Variants in RARS1 observed in about 807,000 individuals in gnomAD.
RARS1 encodes the protein arginyl-tRNA synthetase 1.
In RARS1, 75 loss-of-function variants were observed where a neutral mutation model predicts 78.7. The ratio of observed to expected loss-of-function variants is 0.95; its 90% CI spans 0.79 to 1.15. RARS1 has a LOEUF of 1.15. RARS1 is among the 50% of genes most tolerant of loss of function. The pLI, the probability that RARS1 is intolerant of heterozygous loss-of-function variation, is 0.00. For missense variants in RARS1, 787 were observed against 787.5 expected, an observed-to-expected ratio of 1.00 and a Z score of 0.01; for synonymous variants, 273 against 268.2, an observed-to-expected ratio of 1.02 and a Z score of -0.18.
intron 2 of RARS1, 82 bp downstream of exon 2, chr5:168,488,818 A>G (rs900274532): frequency 7.0e-7 from 1 of 1,426,898 alleles, no homozygotes; most frequent in Non-Finnish European, 9.4e-7. Context: ...AAGATTCTGG[A>G]AGTATATCCT....
chr5:168,501,808 T>C (rs1220617837), intron 8 of RARS1, among the ~76,000 whole-genome samples, 193 bp from the exon 9 acceptor site: 1 of 152,214 alleles, frequency 6.6e-6, no homozygotes, highest in Non-Finnish European at 1.5e-5. Context: ...TATTTTGATG[T>C]GTACCTTACC....
Position 168,494,796 on chromosome 5 carries a change from G to A in RARS1, c.579+146G>A, listed in dbSNP as rs78602242. The stretch of plus-strand genomic sequence containing the variant: ...TAGAAGTTCAAGGCTGAGGTGTGCT[G>A]TGATCGCACCTGTGAATAGCTACTG... On this transcript the variant is annotated intron_variant, in intron 5 of 14. Coordinates refer to ENST00000231572, the MANE Select transcript of RARS1 (RefSeq NM_002887.4). 0.17 allele frequency: 102,379 copies of A among 610,524 alleles called. 9,191 individuals carry two copies. Among genetic ancestry groups the A allele is most frequent in the Non-Finnish European group, 0.19 (67,427 of 352,360 alleles). 37.8% of individuals were successfully genotyped at this position (610,524 alleles called of 1,614,324 possible). A position where few individuals can be genotyped will look rare whatever the true frequency, so the allele number is the denominator to read the frequency against.
rs1758147099 is a variant in RARS1 at position 168,494,656 on chromosome 5, T to TAAAAA, written c.579+6_579+7insAAAAA. On this transcript the variant is annotated splice_region_variant and intron_variant, in intron 5 of 14. Coordinates refer to ENST00000231572, the MANE Select transcript of RARS1 (RefSeq NM_002887.4). ...CTCTGGGAGAGAATAAAAAGGTATATGTACACTCTTCTATTAATATATTAG... is the reference window on the plus strand; with the variant it reads ...CTCTGGGAGAGAATAAAAAGGTATATAAAAAGTACACTCTTCTATTAATATATTAG... The TAAAAA allele has an allele frequency of 1.3e-6, 2 of 1,517,920 alleles. No individual in the cohort carries two copies. The highest frequency in any genetic ancestry group is 1.8e-6 in the Non-Finnish European group (2 of 1,093,332). 94.0% of individuals were successfully genotyped at this position (1,517,920 alleles called of 1,614,324 possible). A position where few individuals can be genotyped will look rare whatever the true frequency, so the allele number is the denominator to read the frequency against.
At position 168,488,594 on chromosome 5, in the gene RARS1, T is replaced by C. The variant is rs201091317; in HGVS notation, c.46-8T>C. On this transcript the variant is annotated splice_region_variant and splice_polypyrimidine_tract_variant and intron_variant, in intron 1 of 14. Coordinates refer to ENST00000231572, the MANE Select transcript of RARS1 (RefSeq NM_002887.4). Reference sequence around the variant, plus strand: ...TATGGACTGAAAAAAGTGCTTTTTTTCCCACAGGAAGAAGAGATTAAATCT... The same window carrying C: ...TATGGACTGAAAAAAGTGCTTTTTTCCCCACAGGAAGAAGAGATTAAATCT... The C allele has an allele frequency of 1.6e-4, 260 of 1,593,878 alleles. 1 individual carries two copies. In the South Asian group the frequency reaches 2.4e-3, roughly 14 times the overall value.
chr5:168,493,052 T>C (rs1485394323), intron 3 of RARS1: 3 of 487,328 alleles, frequency 6.2e-6, no homozygotes, highest in East Asian at 3.0e-5. Context: ...AAATTTTATA[T>C]GTATTCTCAA....
intron 11 of RARS1, among the ~76,000 whole-genome samples, chr5:168,509,548 G>T (rs184503193): frequency 6.6e-6 from 1 of 150,938 alleles, no homozygotes; most frequent in African/African-American, 2.4e-5. Flanking sequence ...TTTTAACAGC[G>T]ACTGCCCAGG....
intron 14 of RARS1, 32 bp downstream of exon 14, chr5:168,518,094 T>TTTTTTTTTTC: frequency 7.2e-7 from 1 of 1,397,394 alleles, no homozygotes; most frequent in African/African-American, 1.6e-5. Flanking sequence ...TTTTTTTTTT[T>TTTTTTTTTTC]TAGTGAGAGA....
At chr5:168,518,445 A>G (rs918465325) in intron 14 of RARS1, among the ~76,000 whole-genome samples, 1 of 152,152 alleles carries the variant, frequency 6.6e-6, no homozygotes, top group Non-Finnish European at 1.5e-5. Flanking sequence ...ACTCTGCCCA[A>G]TCAGTCTACT....
chr5:168,511,241 T>A (rs2152905966), intron 12 of RARS1, among the ~76,000 whole-genome samples: 1 of 151,424 alleles, frequency 6.6e-6, no homozygotes, highest in East Asian at 1.9e-4. Flanking sequence ...GGAGAGGTCA[T>A]GCATACCTGA....
intron 6 of RARS1, 47 bp from the exon 7 acceptor site, chr5:168,497,181 A>G (rs754839823): frequency 1.5e-6 from 2 of 1,316,250 alleles, no homozygotes; most frequent in Middle Eastern, 2.1e-4. Context: ...TAACTTAACC[A>G]TCTTTATTAT....
chr5:168,511,195 A>AT (rs112853562), intron 12 of RARS1, among the ~76,000 whole-genome samples: 29,182 of 144,012 alleles, frequency 0.2, 3,059 homozygotes, highest in African/African-American at 0.28. Context: ...AACAAGAAAA[A>AT]TTTTTTTTTT....
At chr5:168,486,613 CT>C in intron 1 of RARS1, 70 bp downstream of exon 1, 2 of 1,514,694 alleles carry the variant, frequency 1.3e-6, no homozygotes. Flanking sequence ...GCCCAAGCGG[CT>C]TCGGGGGCGG....
chr5:168,491,075 T>G (rs1758072172), intron 2 of RARS1, among the ~76,000 whole-genome samples: 1 of 152,206 alleles, frequency 6.6e-6, no homozygotes, highest in South Asian at 2.1e-4. Context: ...AGGCAGAGGT[T>G]GCAGTGAGCC....
Position 168,494,006 on chromosome 5 carries a change from T to A in RARS1, c.478+4T>A. On this transcript the variant is annotated splice_donor_region_variant and intron_variant, in intron 4 of 14. Transcript: ENST00000231572. ...AAAGTTGAAATTGCTGGTCCTGGTA[T>A]GACATAATGTTATCCTTCTTAATAG... is the stretch of plus-strand genomic sequence containing the variant. 1.9e-6 allele frequency: 3 copies of A among 1,581,540 alleles called. No individual in the cohort carries two copies. Among genetic ancestry groups the A allele is most frequent in the Non-Finnish European group, 2.6e-6 (3 of 1,151,546 alleles).
chr5:168,513,532 C>T lies in RARS1; in HGVS notation c.1452+2846C>T, dbSNP rs189504007. ...ATGAGGTTTCACCATGTTGGCCAGG[C>T]GGGTCTCAAATCCCTGGACTCAGCA... is the stretch of plus-strand genomic sequence containing the variant. On this transcript the variant is annotated intron_variant, in intron 12 of 14. Coordinates refer to ENST00000231572, the MANE Select transcript of RARS1 (RefSeq NM_002887.4). Among the ~76,000 whole-genome samples, 116 of 152,182 alleles carry T rather than the reference C, an allele frequency of 7.6e-4. 1 individual carries two copies. Among genetic ancestry groups the T allele is most frequent in the Admixed American group, 4.1e-3 (63 of 15,276 alleles).
chr5:168,509,451 C>A (rs1027152322), intron 11 of RARS1, among the ~76,000 whole-genome samples: 4 of 112,390 alleles, frequency 3.6e-5, no homozygotes, highest in Admixed American at 9.1e-5. Context: ...CCCCCCCCCC[C>A]ACCAAAAAAA....
At chr5:168,512,417 C>T (rs976285665) in intron 12 of RARS1, among the ~76,000 whole-genome samples, 8 of 152,070 alleles carry the variant, frequency 5.3e-5, no homozygotes, top group Non-Finnish European at 1.0e-4. Context: ...AAAGTGGTGA[C>T]CGTTGTATAC....
Position 168,506,715 on chromosome 5 carries a change from G to T in RARS1, c.1237-7G>T, listed in dbSNP as rs1265554953. ...GACTAGCAAGTAACTTTCCGTTTCT[G>T]TTGTAGTCTGTGCACTTCCAGACAA... On this transcript the variant is annotated splice_polypyrimidine_tract_variant and splice_region_variant and intron_variant, in intron 10 of 14. Coordinates refer to ENST00000231572, the MANE Select transcript of RARS1 (RefSeq NM_002887.4). 3 of 1,594,166 alleles carry T rather than the reference G, an allele frequency of 1.9e-6. No homozygotes were observed. The highest frequency in any genetic ancestry group is 1.7e-4 in the Middle Eastern group (1 of 6,022).
chr5:168,506,066 G>A lies in RARS1; in HGVS notation c.1103G>A (p.Gly368Glu). The A allele has an allele frequency of 1.2e-6, 2 of 1,607,030 alleles. No individual in the cohort carries two copies. The highest frequency in any genetic ancestry group is 2.3e-5 in the East Asian group (1 of 44,394). The change falls in exon 10 of 15, where the codon GGG becomes GAG. Residue 368 changes from glycine to glutamate, a missense_variant. Physicochemically the swap from Gly to Glu is moderately conservative, Grantham distance 98. Coordinates refer to ENST00000231572, the MANE Select transcript of RARS1 (RefSeq NM_002887.4). ...DDGRKIVFVP[G>E]CSIPLTIVKS... ...GGCAGAAAGATTGTATTTGTCCCAGGGTGTTCCATACCATTAACCATAGTA... is the reference window on the plus strand; with the variant it reads ...GGCAGAAAGATTGTATTTGTCCCAGAGTGTTCCATACCATTAACCATAGTA...
Sources: gnomAD v4.1 joint callset for allele counts (sites outside exome capture counted in the v4.1 genomes callset) on GRCh38, gnomAD v4.1.1 for gene constraint, MANE v1.5 for transcripts, NCBI Gene and HGNC (gene_info 2026-07-23, HGNC 2026-07-21) for gene names.